LPAR1: variants seen among roughly 807,000 people sequenced by gnomAD.
LPAR1 encodes lysophosphatidic acid receptor 1.
A neutral mutation model predicts 23.8 loss-of-function variants in LPAR1; 5 were observed. That is an observed-to-expected ratio of 0.21 (90% CI 0.11 to 0.44). The LOEUF is 0.44. Ranked by LOEUF, LPAR1 falls within the 20% of genes least tolerant of loss-of-function variation. The probability of loss-of-function intolerance (pLI) is 0.99; values close to 1 mark genes in which losing one functional copy is unlikely to be tolerated. For synonymous variants in LPAR1, 160 were observed against 164.7 expected (o/e 0.97, Z 0.22); for missense variants, 311 against 482.8 (o/e 0.64, Z 3.33).
At chr9:110,957,287 C>T (rs887585598) in intron 4 of LPAR1, among the ~76,000 whole-genome samples, 2 of 150,164 alleles carry the variant, frequency 1.3e-5, no homozygotes, top group Non-Finnish European at 3.0e-5. Context: ...AGCCCAGGAG[C>T]TATGATTATG....
At chr9:111,016,699 AAT>A (rs2097454070) in intron 2 of LPAR1, among the ~76,000 whole-genome samples, 1 of 152,218 alleles carries the variant, frequency 6.6e-6, no homozygotes, top group Non-Finnish European at 1.5e-5. Flanking sequence ...TCTTATCAAA[AAT>A]ATCCTTTTGC....
In LPAR1 at chr9:111,028,618, C is replaced by CTTT. The variant is rs57371925; in HGVS notation, c.-182+7501_-182+7503dup. Among the ~76,000 whole-genome samples, 704 of 146,022 alleles carry CTTT rather than the reference C, an allele frequency of 4.8e-3. 2 individuals are homozygous for CTTT. Among genetic ancestry groups the CTTT allele is most frequent in the Non-Finnish European group, 7.0e-3 (468 of 66,460 alleles). ...AAATAAATTCTTAATTAGAAAAAGA[C>CTTT]TTTTTTTTTTTTTTACCAAGTAAAG... is the stretch of plus-strand genomic sequence containing the variant. On this transcript the variant is annotated intron_variant, in intron 2 of 5. Coordinates refer to ENST00000683809, the MANE Select transcript of LPAR1 (RefSeq NM_001351411.2).
chr9:110,958,561 CA>C (rs1224109138), intron 4 of LPAR1, among the ~76,000 whole-genome samples: 1 of 152,020 alleles, frequency 6.6e-6, no homozygotes, highest in Non-Finnish European at 1.5e-5. Flanking sequence ...TATGTCTCAC[CA>C]CATATAAAAA....
intron 5 of LPAR1, among the ~76,000 whole-genome samples, chr9:110,907,104 T>C (rs573101280): frequency 6.6e-6 from 1 of 152,304 alleles, no homozygotes; most frequent in Admixed American, 6.5e-5. Context: ...TATTATCACT[T>C]TAACAAAAGG....
chr9:110,962,924 G>C (rs1292031132), intron 4 of LPAR1, among the ~76,000 whole-genome samples: 2 of 152,110 alleles, frequency 1.3e-5, no homozygotes, highest in East Asian at 3.9e-4. Context: ...TTTCTCAGGT[G>C]GAAAAAAACA....
chr9:111,013,506 T>C (rs777398850), intron 2 of LPAR1, among the ~76,000 whole-genome samples: 12 of 152,186 alleles, frequency 7.9e-5, no homozygotes, highest in Non-Finnish European at 1.6e-4. Flanking sequence ...CAGCAAACCA[T>C]GTTCTGACCA....
chr9:110,983,354 C>T (rs1038776568), intron 2 of LPAR1, among the ~76,000 whole-genome samples: 2 of 152,144 alleles, frequency 1.3e-5, no homozygotes, highest in Admixed American at 6.6e-5. Flanking sequence ...CTGGCATATG[C>T]TATGACATGG....
chr9:110,912,405 AC>A (rs1248137177), intron 5 of LPAR1, among the ~76,000 whole-genome samples: 2 of 152,016 alleles, frequency 1.3e-5, no homozygotes, highest in Non-Finnish European at 2.9e-5. Context: ...AAACTTTAAA[AC>A]TCTTATCTTC....
At chr9:111,017,122 A>T (rs1346248984) in intron 2 of LPAR1, among the ~76,000 whole-genome samples, 1 of 152,150 alleles carries the variant, frequency 6.6e-6, no homozygotes, top group Non-Finnish European at 1.5e-5. Flanking sequence ...TCCCCTCTTC[A>T]TGTCAACTAT....
chr9:111,017,704 C>G (rs144251878), intron 2 of LPAR1, among the ~76,000 whole-genome samples: 3 of 152,302 alleles, frequency 2.0e-5, no homozygotes, highest in Non-Finnish European at 4.4e-5. Context: ...ACCCTACCAT[C>G]AGTTGATGCA....
intron 5 of LPAR1, among the ~76,000 whole-genome samples, chr9:110,936,928 C>T (rs1216466500): frequency 4.6e-5 from 7 of 152,134 alleles, no homozygotes; most frequent in Non-Finnish European, 7.4e-5. Flanking sequence ...AACATCTTGA[C>T]GGCCACTCTG....
intron 5 of LPAR1, among the ~76,000 whole-genome samples, chr9:110,938,119 G>A (rs551338905): frequency 7.1e-4 from 108 of 152,234 alleles, no homozygotes; most frequent in Middle Eastern, 3.4e-3. Context: ...CCAGATAGCC[G>A]TGACAGGCAA....
chr9:110,888,554 T>C (rs1009922071), intron 5 of LPAR1, among the ~76,000 whole-genome samples: 20 of 131,324 alleles, frequency 1.5e-4, no homozygotes, highest in Non-Finnish European at 3.1e-4. Flanking sequence ...GATGCAGCAA[T>C]GAACCCAGCA....
intron 2 of LPAR1, among the ~76,000 whole-genome samples, chr9:110,998,789 T>C (rs2097071748): frequency 6.6e-6 from 1 of 152,204 alleles, no homozygotes; most frequent in African/African-American, 2.4e-5. Context: ...CTGAGGATTC[T>C]TAAATTCATT....
At chr9:110,922,050 G>C (rs2093666290) in intron 5 of LPAR1, among the ~76,000 whole-genome samples, 1 of 152,198 alleles carries the variant, frequency 6.6e-6, no homozygotes, top group Non-Finnish European at 1.5e-5. Flanking sequence ...GAGCAGCGGA[G>C]AAAGTAACCA....
At chr9:110,880,642 T>C (rs2080494540) in intron 5 of LPAR1, among the ~76,000 whole-genome samples, 1 of 152,170 alleles carries the variant, frequency 6.6e-6, no homozygotes, top group South Asian at 2.1e-4. Flanking sequence ...TCAAGGTAAA[T>C]CAATTCTACA....
At chr9:110,924,499 C>CTT (rs11434244) in intron 5 of LPAR1, among the ~76,000 whole-genome samples, 42 of 151,702 alleles carry the variant, frequency 2.8e-4, no homozygotes, top group Non-Finnish European at 3.7e-4. Context: ...AAATGATTTT[C>CTT]TTTTTTTTCC....
chr9:110,961,216 G>GA (rs35228428), intron 4 of LPAR1, among the ~76,000 whole-genome samples: 9 of 145,462 alleles, frequency 6.2e-5, no homozygotes, highest in South Asian at 2.2e-4. Context: ...ATTTTAAGGG[G>GA]AAAAAAAAAA....
chr9:110,928,743 G>A (rs749893969), intron 5 of LPAR1, among the ~76,000 whole-genome samples: 4 of 152,134 alleles, frequency 2.6e-5, no homozygotes, highest in Non-Finnish European at 2.9e-5. Flanking sequence ...ATACAAAGGA[G>A]TACCACGTGC....
Sources: gnomAD v4.1 joint callset for allele counts (sites outside exome capture counted in the v4.1 genomes callset) on GRCh38, gnomAD v4.1.1 for gene constraint, MANE v1.5 for transcripts, NCBI Gene and HGNC (gene_info 2026-07-23, HGNC 2026-07-21) for gene names.